The following DOCK8 variants were observed in gnomAD, a reference collection of about 807,000 sequenced individuals.
DOCK8 encodes dedicator of cytokinesis protein 8.
A neutral mutation model predicts 245.6 loss-of-function variants in DOCK8; 141 were observed. The observed-to-expected ratio is 0.57, with a 90% CI of 0.50 to 0.66. The LOEUF (loss-of-function observed/expected upper bound fraction) is 0.66, where lower values mean the gene tolerates loss of function less well. Ranked by LOEUF, DOCK8 falls within the 30% of genes least tolerant of loss-of-function variation. The probability of loss-of-function intolerance (pLI) is 0.00; values close to 1 mark genes in which losing one functional copy is unlikely to be tolerated. For missense variants in DOCK8, 2,965 were observed against 2,603.4 expected, an observed-to-expected ratio of 1.14 and a Z score of -3.02; for synonymous variants, 1,168 against 970.2, an observed-to-expected ratio of 1.20 and a Z score of -3.79.
At position 443,025 on chromosome 9, in the gene DOCK8, A is replaced by G. The variant is rs530133878; in HGVS notation, c.5491-402A>G. 6.6e-5 allele frequency among the ~76,000 whole-genome samples: 10 copies of G among 152,268 alleles called. 1 individual carries two copies. In the South Asian group the frequency reaches 2.1e-3, roughly 32 times the overall value. On this transcript the variant is annotated intron_variant, in intron 42 of 47. Transcript: ENST00000432829. ...TTGACCCCAGTCCACTTGGTTCCCT[A>G]TATTGTTTCCCCTACTTAGAATTAG...
At chr9:350,476 T>G (rs192761993) in intron 14 of DOCK8, among the ~76,000 whole-genome samples, 37 of 152,356 alleles carry the variant, frequency 2.4e-4, no homozygotes, top group African/African-American at 8.9e-4. Flanking sequence ...TCTGCCAATG[T>G]ACGTGCCGTC....
chr9:420,098 A>G (rs542112781), intron 30 of DOCK8: 306 of 450,448 alleles, frequency 6.8e-4, no homozygotes, highest in Non-Finnish European at 1.1e-3. Context: ...ATCAAGGCCC[A>G]GGGGTGATCA....
At chr9:342,809 A>G (rs1302520278) in intron 14 of DOCK8, among the ~76,000 whole-genome samples, 1 of 152,078 alleles carries the variant, frequency 6.6e-6, no homozygotes, top group Admixed American at 6.6e-5. Flanking sequence ...CTTTGTGAAG[A>G]GGCCATATTT....
intron 4 of DOCK8, among the ~76,000 whole-genome samples, chr9:302,497 A>T (rs185771905): frequency 1.3e-5 from 2 of 152,372 alleles, no homozygotes; most frequent in Admixed American, 1.3e-4. Context: ...AAAATTGACA[A>T]GTGGGACTTA....
chr9:463,669 G>A lies in DOCK8; in HGVS notation c.6221G>A (p.Arg2074Lys). Residue 2074 changes from arginine (R) to lysine (K), a missense_variant, in exon 47 of 48, where the codon AGA becomes AAA. Around this residue, in one of 3 missense-constraint regions of DOCK8, gnomAD observed 134 missense variants for 128.1 expected, o/e 1.05. Transcript: ENST00000432829. ...CCAGAACTGTACAAGCCAATATTCA[G>A]AGTTGAGAGTCAAAAGAGGTAAGAA... ...KIPELYKPIF[R>K]VESQKRDSFH... 6.2e-7 allele frequency: 1 copy of A among 1,613,824 alleles called. No homozygotes were observed.
intron 46 of DOCK8, chr9:456,922 A>G (rs1190904616): frequency 2.0e-5 from 3 of 152,206 alleles, no homozygotes; most frequent in African/African-American, 7.2e-5. Flanking sequence ...CACTGGCACC[A>G]GTTACAGCTT....
chr9:420,914 C>T lies in DOCK8; in HGVS notation c.4024-35C>T, dbSNP rs993331537. 10 of 1,613,904 alleles carry T rather than the reference C, an allele frequency of 6.2e-6. No homozygotes were observed. In the Admixed American group the frequency reaches 1.0e-4, roughly 16 times the overall value. On this transcript the variant is annotated intron_variant, in intron 31 of 47. Coordinates refer to ENST00000432829, the MANE Select transcript of DOCK8 (RefSeq NM_203447.4). ...CTCTCCCCATCAACGGAGATCTCACCAAAGGACATGTCCTCCTACCTCTGT... is the reference window on the plus strand; with the variant it reads ...CTCTCCCCATCAACGGAGATCTCACTAAAGGACATGTCCTCCTACCTCTGT...
At chr9:306,683 C>G (rs978211788) in intron 5 of DOCK8, among the ~76,000 whole-genome samples, 1 of 152,232 alleles carries the variant, frequency 6.6e-6, no homozygotes, top group Middle Eastern at 3.4e-3. Context: ...GTTGCTGGGC[C>G]CTGTCTGCTG....
intron 26 of DOCK8, among the ~76,000 whole-genome samples, chr9:403,940 A>C (rs2055269041): frequency 9.7e-5 from 8 of 82,516 alleles, no homozygotes; most frequent in African/African-American, 4.6e-4. Context: ...GTGTATATAT[A>C]TATGTGTATA....
At chr9:245,657 A>G (rs1327783826) in intron 1 of DOCK8, among the ~76,000 whole-genome samples, 1 of 152,210 alleles carries the variant, frequency 6.6e-6, no homozygotes, top group African/African-American at 2.4e-5. Flanking sequence ...ACTGCCTACC[A>G]TAGGCTGGCT....
At chr9:274,552 A>T (rs1002223816) in intron 2 of DOCK8, among the ~76,000 whole-genome samples, 3 of 144,102 alleles carry the variant, frequency 2.1e-5, no homozygotes, top group Non-Finnish European at 3.0e-5. Context: ...TTTACCTGGT[A>T]TCGTGTTGTA....
intron 1 of DOCK8, among the ~76,000 whole-genome samples, chr9:248,218 G>T (rs2047554257): frequency 6.6e-6 from 1 of 152,172 alleles, no homozygotes; most frequent in South Asian, 2.1e-4. Context: ...CAGGGCTCAG[G>T]TCTCTTGTTT....
In DOCK8 at chr9:332,442, G is replaced by C. The variant is rs777093224; in HGVS notation, c.1089G>C (p.Glu363Asp). The change falls in exon 10 of 48, where the codon GAG (glutamate) becomes GAC (aspartate). Residue 363 changes from glutamate (E) to aspartate (D), a missense_variant. By Grantham distance (45) the Glu-to-Asp change is conservative. This residue lies in a region of DOCK8 where 2,825 missense variants were observed against 2,453.5 expected (regional missense o/e 1.15). Transcript: ENST00000432829. ...AGGGAGAGATTGGAGACTGTGCAGA[G>C]CCCTACACGGTTATCAAAGAAAGTG... Reference protein sequence around the residue: ...LQQGEIGDCAEPYTVIKESDG... With the variant: ...LQQGEIGDCADPYTVIKESDG... 6.2e-7 allele frequency: 1 copy of C among 1,613,468 alleles called. No homozygotes were observed. The highest frequency in any genetic ancestry group is 8.5e-7 in the Non-Finnish European group (1 of 1,179,534).
chr9:350,127 T>C (rs2052087121), intron 14 of DOCK8, among the ~76,000 whole-genome samples: 1 of 152,120 alleles, frequency 6.6e-6, no homozygotes, highest in Non-Finnish European at 1.5e-5. Context: ...TTTTCTTCTT[T>C]TAAGAGACAG....
intron 1 of DOCK8, among the ~76,000 whole-genome samples, chr9:245,603 A>G (rs957601237): frequency 6.6e-6 from 1 of 152,174 alleles, no homozygotes; most frequent in Non-Finnish European, 1.5e-5. Context: ...GAAGAAATTG[A>G]AGGGTTCTCT....
At chr9:250,769 C>G (rs887356627) in intron 1 of DOCK8, among the ~76,000 whole-genome samples, 2 of 152,214 alleles carry the variant, frequency 1.3e-5, no homozygotes, top group African/African-American at 4.8e-5. Flanking sequence ...TCAACACTGC[C>G]TGATGCAGCC....
intron 4 of DOCK8, among the ~76,000 whole-genome samples, chr9:294,941 C>T (rs544065299): frequency 6.6e-6 from 1 of 152,190 alleles, no homozygotes; most frequent in Non-Finnish European, 1.5e-5. Flanking sequence ...AGGTGGATCA[C>T]TTGAGGTCAG....
rs1564017042 is a variant in DOCK8 at position 400,981 on chromosome 9, C to CTCCAATATCACT, written c.3234+1722_3234+1723insTCCAATATCACT. On this transcript the variant is annotated intron_variant, in intron 26 of 47. Transcript: ENST00000432829. The stretch of plus-strand genomic sequence containing the variant: ...CCACCACCACCTCCTCCACCATCAC[C>CTCCAATATCACT]ACCTCCTCCACCACCACCACCATTA... Among the ~76,000 whole-genome samples the CTCCAATATCACT allele has an allele frequency of 1.5e-4, 9 of 60,606 alleles. 2 individuals carry two copies. In the African/African-American group the frequency reaches 2.4e-3, roughly 16 times the overall value. The allele number at this position is 60,606 out of a possible 152,430, so 39.8% of individuals were successfully genotyped here.
chr9:371,000 T>C (rs2131210591), intron 16 of DOCK8, among the ~76,000 whole-genome samples: 1 of 152,320 alleles, frequency 6.6e-6, no homozygotes, highest in Admixed American at 6.5e-5. Flanking sequence ...TGCAGTTAAA[T>C]TGGTTCCTTT....
Sources: gnomAD v4.1 joint callset for allele counts (sites outside exome capture counted in the v4.1 genomes callset) on GRCh38, gnomAD v4.1.1 for gene constraint, gnomAD v4.1.1 regional missense constraint, MANE v1.5 for transcripts, NCBI Gene and HGNC (gene_info 2026-07-23, HGNC 2026-07-21) for gene names.